Variants in ABHD2 observed in about 807,000 individuals in gnomAD.
The protein encoded by ABHD2 is abhydrolase domain containing 2, acylglycerol lipase.
A neutral mutation model predicts 48.1 loss-of-function variants in ABHD2; 20 were observed. The observed-to-expected ratio is 0.42, with a 90% confidence interval of 0.29 to 0.60. The LOEUF (loss-of-function observed/expected upper bound fraction) is 0.60. Ranked by LOEUF, ABHD2 falls within the 20% of genes least tolerant of loss-of-function variation. The probability of loss-of-function intolerance (pLI) is 0.24; values close to 1 mark genes in which losing one functional copy is unlikely to be tolerated. For synonymous variants in ABHD2, 209 were observed against 214.2 expected (o/e 0.98, Z 0.21); for missense variants, 405 against 550.9 (o/e 0.74, Z 2.65).
chr15:89,067,259 G>C, the ABHD2 span, among the ~76,000 whole-genome samples: 1 of 152,210 alleles, frequency 6.6e-6, no homozygotes, highest in Non-Finnish European at 1.5e-5. Context: ...GAGGATGTGG[G>C]GGTTGAAAGA....
chr15:89,123,088 C>G (rs1305980157), intron 3 of ABHD2, among the ~76,000 whole-genome samples: 2 of 152,184 alleles, frequency 1.3e-5, no homozygotes, highest in African/African-American at 4.8e-5. Flanking sequence ...CATTATTGTT[C>G]TCTGTGGATT....
intron 3 of ABHD2, chr15:89,136,144 G>T (rs12913400): frequency 0.18 from 35,614 of 198,392 alleles, 3,660 homozygotes; most frequent in Admixed American, 0.3. Flanking sequence ...GGCCAGGCTG[G>T]CCTCGAACTC....
At chr15:89,050,220 C>G in the ABHD2 span, among the ~76,000 whole-genome samples, 1 of 152,148 alleles carries the variant, frequency 6.6e-6, no homozygotes, top group Non-Finnish European at 1.5e-5. Flanking sequence ...CCAGAAGCCA[C>G]ACACATGAAC....
chr15:89,125,258 A>G (rs2150832480), intron 3 of ABHD2, among the ~76,000 whole-genome samples: 1 of 152,076 alleles, frequency 6.6e-6, no homozygotes, highest in East Asian at 1.9e-4. Flanking sequence ...CCATGTCAAA[A>G]AAAAAAAAAG....
rs2049918558 is a variant in ABHD2 at position 89,114,166 on chromosome 15, G to A, written c.-7+342G>A. The stretch of plus-strand genomic sequence containing the variant: ...TAGCCTTTGTTTGGCATCCGTGGCA[G>A]GGTTTGGACAAGGTGAGGAATGGCA... On this transcript the variant is annotated intron_variant, in intron 2 of 10. Coordinates refer to ENST00000352732, the MANE Select transcript of ABHD2 (RefSeq NM_152924.5). The surrounding 1 kb of genome is among the most constrained non-coding windows in gnomAD (Gnocchi z 4.2). Among the ~76,000 whole-genome samples the A allele has an allele frequency of 6.6e-6, 1 of 152,202 alleles. No individual in the cohort carries two copies. The highest frequency in any genetic ancestry group is 1.5e-5 in the Non-Finnish European group (1 of 68,038).
chr15:89,176,002 C>T lies in ABHD2; in HGVS notation c.722+7C>T, dbSNP rs749462886. 1.3e-5 allele frequency: 20 copies of T among 1,585,678 alleles called. No homozygotes were observed. The highest frequency in any genetic ancestry group is 1.6e-5 in the Non-Finnish European group (19 of 1,164,944). Reference sequence around the variant, plus strand: ...AGGGGTACAGTGCACTGAGGTGAGTCATCTCCGCCTTCCATCAGGGCCTTC... The same window carrying T: ...AGGGGTACAGTGCACTGAGGTGAGTTATCTCCGCCTTCCATCAGGGCCTTC... On this transcript the variant is annotated splice_region_variant and intron_variant, in intron 6 of 10. Transcript: ENST00000352732. The surrounding 1 kb of genome is among the most constrained non-coding windows in gnomAD (Gnocchi z 4.5).
rs16942782 is a variant in ABHD2 at position 89,170,028 on chromosome 15, C to G, written c.539-5784C>G. Among the ~76,000 whole-genome samples the G allele has an allele frequency of 9.8e-3, 1,389 of 141,356 alleles. 66 individuals carry two copies. The highest frequency in any genetic ancestry group is 0.086 in the Admixed American group (1,173 of 13,662). The allele number at this position is 141,356 out of a possible 152,430, so 92.7% of individuals were successfully genotyped here. ...GGGTGCCAGCCCCACTGTTTCACCC[C>G]TTGTTTTTATCCCTTAAGATGGCTC... On this transcript the variant is annotated intron_variant, in intron 5 of 10. Coordinates refer to ENST00000352732, the MANE Select transcript of ABHD2 (RefSeq NM_152924.5).
chr15:89,051,130 G>A, the ABHD2 span, among the ~76,000 whole-genome samples: 1 of 152,180 alleles, frequency 6.6e-6, no homozygotes, highest in Non-Finnish European at 1.5e-5. Flanking sequence ...CTACTCAGGA[G>A]GCTGAGGCAG....
At chr15:89,160,092 T>G (rs2050739067) in intron 5 of ABHD2, among the ~76,000 whole-genome samples, 1 of 152,254 alleles carries the variant, frequency 6.6e-6, no homozygotes, top group Non-Finnish European at 1.5e-5. Context: ...CGCTAGTGTT[T>G]CGTTAGGTGC....
At chr15:89,074,693 C>G in the ABHD2 span, among the ~76,000 whole-genome samples, 1 of 152,032 alleles carries the variant, frequency 6.6e-6, no homozygotes, top group Non-Finnish European at 1.5e-5. Context: ...TGCCCCCAGG[C>G]CTGTATGAGG....
chr15:89,143,862 C>G (rs908727877), intron 3 of ABHD2, among the ~76,000 whole-genome samples: 1 of 151,818 alleles, frequency 6.6e-6, no homozygotes, highest in Non-Finnish European at 1.5e-5. Context: ...ATAGTAATTT[C>G]TTTTCAATGG....
chr15:89,097,188 A>G lies in ABHD2; in HGVS notation c.-107+8625A>G, dbSNP rs1391052293. On this transcript the variant is annotated intron_variant, in intron 1 of 10. Coordinates refer to ENST00000352732, the MANE Select transcript of ABHD2 (RefSeq NM_152924.5). The surrounding 1 kb of genome is among the most constrained non-coding windows in gnomAD (Gnocchi z 4.2). The stretch of plus-strand genomic sequence containing the variant: ...TGAACCTCCAAGCCCCACAAAACCC[A>G]TCCCAGCTTTAACAATAATCAACTC... Among the ~76,000 whole-genome samples, 5 of 152,202 alleles carry G rather than the reference A, an allele frequency of 3.3e-5. No homozygotes were observed. Among genetic ancestry groups the G allele is most frequent in the African/African-American group, 4.8e-5 (2 of 41,442 alleles).
At chr15:89,055,319 G>A in the ABHD2 span, among the ~76,000 whole-genome samples, 2 of 133,322 alleles carry the variant, frequency 1.5e-5, no homozygotes, top group Non-Finnish European at 3.2e-5. Context: ...TAAAACACTA[G>A]TTTCTTTTTT....
chr15:89,201,406 T>G lies in ABHD2; in HGVS notation c.*5983T>G. The G allele has an allele frequency of 1.6e-6, 2 of 1,239,236 alleles. No homozygotes were observed. The highest frequency in any genetic ancestry group is 2.4e-6 in the Non-Finnish European group (2 of 850,944). 76.8% of individuals were successfully genotyped at this position (1,239,236 alleles called of 1,614,324 possible). A position where few individuals can be genotyped will look rare whatever the true frequency, so the allele number is the denominator to read the frequency against. On this transcript the variant is annotated 3_prime_UTR_variant, in exon 11 of 11. Coordinates refer to ENST00000352732, the MANE Select transcript of ABHD2 (RefSeq NM_152924.5). ...CTTTGCTGGGTTCCATGTCATTCAA[T>G]TTATCATTTTCATTGGGGATCTCCA...
chr15:89,083,061 G>T (rs143652860), upstream of ABHD2, among the ~76,000 whole-genome samples: 1 of 152,238 alleles, frequency 6.6e-6, no homozygotes, highest in Non-Finnish European at 1.5e-5. This position sits in a 1 kb window ranked among gnomAD's most constrained non-coding sequence, Gnocchi z 5.1. Context: ...CACCATGTTG[G>T]CCAGGCTGGT....
chr15:89,113,549 C>T (rs1395140165), intron 1 of ABHD2, among the ~76,000 whole-genome samples, 176 bp from the exon 2 acceptor site: 2 of 152,192 alleles, frequency 1.3e-5, no homozygotes, highest in African/African-American at 4.8e-5. Flanking sequence ...TTCACAAAGC[C>T]TTCCCGCAGC....
chr15:89,151,648 A>G lies in ABHD2; in HGVS notation c.195-29A>G, dbSNP rs2050592692. ...AGAACGTTGCTCAAGGAATGTAGAG[A>G]AAATTGACCTCCCTTGTCCTTTCTT... On this transcript the variant is annotated intron_variant, in intron 3 of 10. Coordinates refer to ENST00000352732, the MANE Select transcript of ABHD2 (RefSeq NM_152924.5). This position sits in a 1 kb window ranked among gnomAD's most constrained non-coding sequence, Gnocchi z 4.7. 1 of 1,582,140 alleles carries G rather than the reference A, an allele frequency of 6.3e-7. No individual in the cohort carries two copies. Among genetic ancestry groups the G allele is most frequent in the Non-Finnish European group, 8.6e-7 (1 of 1,162,026 alleles).
At chr15:89,144,525 A>G (rs1242715407) in intron 3 of ABHD2, among the ~76,000 whole-genome samples, 2 of 152,244 alleles carry the variant, frequency 1.3e-5, no homozygotes, top group South Asian at 2.1e-4. Flanking sequence ...GGAATGAATT[A>G]CTGATAACAT....
At chr15:89,143,837 C>T (rs1376180420) in intron 3 of ABHD2, among the ~76,000 whole-genome samples, 1 of 151,710 alleles carries the variant, frequency 6.6e-6, no homozygotes, top group Non-Finnish European at 1.5e-5. Flanking sequence ...CCACTTCACA[C>T]CCACTAGGAT....
Sources: allele counts gnomAD v4.1 joint callset (sites outside exome capture counted in the v4.1 genomes callset), GRCh38; gene constraint gnomAD v4.1.1; non-coding constraint Gnocchi (gnomAD v3.1); transcripts MANE v1.5; gene names NCBI Gene and HGNC (gene_info 2026-07-23, HGNC 2026-07-21).